The following PLEKHA8 variants were observed in gnomAD, a reference collection of about 807,000 sequenced individuals.
The protein encoded by PLEKHA8 is pleckstrin homology domain containing A8.
In PLEKHA8, 36 loss-of-function variants were observed where a neutral mutation model predicts 68.2. The ratio of observed to expected loss-of-function variants is 0.53; its 90% CI spans 0.40 to 0.70. PLEKHA8 has a LOEUF of 0.70. PLEKHA8 is among the 30% of genes least tolerant of loss of function. The pLI is 0.00. For missense variants in PLEKHA8, 505 were observed against 615.4 expected (o/e 0.82, Z 1.90); for synonymous variants, 211 against 216.1 (o/e 0.98, Z 0.20).
rs773840652 is a variant in PLEKHA8 at position 30,050,526 on chromosome 7, G to A, written c.638+52G>A. The A allele has an allele frequency of 2.7e-6, 4 of 1,463,846 alleles. No homozygotes were observed. In the South Asian group the frequency reaches 4.1e-5, roughly 15 times the overall value. The allele number at this position is 1,463,846 out of a possible 1,614,324, so 90.7% of individuals were successfully genotyped here. A position where few individuals can be genotyped will look rare whatever the true frequency, so the allele number is the denominator to read the frequency against. On this transcript the variant is annotated intron_variant, in intron 6 of 13. Transcript: ENST00000449726. The stretch of plus-strand genomic sequence containing the variant: ...AAAATTAAAAAAAAATAAGGATATT[G>A]TTATTCCTTGTTTAAAAAAAGATAC...
Position 30,082,985 on chromosome 7 carries a change from A to T in PLEKHA8, c.*4198A>T, listed in dbSNP as rs746627759. ...AAACCAGTTGCTTCTGATTTTAGTC[A>T]CAGGTTTTACAAGTATTCAGCTCTC... On this transcript the variant is annotated 3_prime_UTR_variant, in exon 14 of 14. Transcript: ENST00000449726. 15 of 985,420 alleles carry T rather than the reference A, an allele frequency of 1.5e-5. No individual in the cohort carries two copies. The highest frequency in any genetic ancestry group is 1.8e-5 in the Non-Finnish European group (15 of 829,920). 61.0% of individuals were successfully genotyped at this position (985,420 alleles called of 1,614,324 possible).
At chr7:30,053,502 T>C (rs1007398612) in intron 7 of PLEKHA8, among the ~76,000 whole-genome samples, 3 of 152,178 alleles carry the variant, frequency 2.0e-5, no homozygotes, top group African/African-American at 4.8e-5. Context: ...TCTCGATGAA[T>C]TGGGGAGCAG....
chr7:30,084,606 T>G lies in PLEKHA8; in HGVS notation c.*5819T>G. On this transcript the variant is annotated 3_prime_UTR_variant, in exon 14 of 14. Coordinates refer to ENST00000449726, the MANE Select transcript of PLEKHA8 (RefSeq NM_001197026.2). The stretch of plus-strand genomic sequence containing the variant: ...TTGCAAAAATGTTTGAAAATATCTG[T>G]CAGATTTTATATTCGTTAGTTATAA... 1 of 945,848 alleles carries G rather than the reference T, an allele frequency of 1.1e-6. No individual in the cohort carries two copies. The highest frequency in any genetic ancestry group is 1.3e-6 in the Non-Finnish European group (1 of 794,134). 58.6% of individuals were successfully genotyped at this position (945,848 alleles called of 1,614,324 possible).
chr7:30,054,601 ATTT>A (rs1246463067), intron 7 of PLEKHA8, 105 bp from the exon 8 acceptor site: 3 of 758,802 alleles, frequency 4.0e-6, no homozygotes, highest in Non-Finnish European at 5.5e-6. Context: ...TGTTTCATGA[ATTT>A]TTATTTCTAT....
In PLEKHA8 at chr7:30,079,857, T is replaced by C; in HGVS notation, c.*1070T>C. The C allele has an allele frequency of 1.0e-6, 1 of 964,120 alleles. No individual in the cohort carries two copies. The highest frequency in any genetic ancestry group is 1.2e-6 in the Non-Finnish European group (1 of 810,798). 59.7% of individuals were successfully genotyped at this position (964,120 alleles called of 1,614,324 possible). A position where few individuals can be genotyped will look rare whatever the true frequency, so the allele number is the denominator to read the frequency against. On this transcript the variant is annotated 3_prime_UTR_variant, in exon 14 of 14. Transcript: ENST00000449726. ...AGAGCAACTAGATTAAATTCTAGTTTACAAAATTACCAGTTTTCTTCAAGA... is the reference window on the plus strand; with the variant it reads ...AGAGCAACTAGATTAAATTCTAGTTCACAAAATTACCAGTTTTCTTCAAGA...
At chr7:30,031,666 A>T (rs1236309381) in intron 1 of PLEKHA8, among the ~76,000 whole-genome samples, 1 of 152,184 alleles carries the variant, frequency 6.6e-6, no homozygotes, top group Non-Finnish European at 1.5e-5. Flanking sequence ...TGAGAGAGAA[A>T]TGATGAGATT....
At chr7:30,049,769 G>C (rs1213387436) in intron 5 of PLEKHA8, among the ~76,000 whole-genome samples, 1 of 152,200 alleles carries the variant, frequency 6.6e-6, no homozygotes, top group Non-Finnish European at 1.5e-5. Flanking sequence ...GTAGGTTAAA[G>C]TCAAAACTTC....
chr7:30,035,504 TTC>T (rs1259996584), intron 1 of PLEKHA8, among the ~76,000 whole-genome samples: 3 of 152,214 alleles, frequency 2.0e-5, no homozygotes, highest in Non-Finnish European at 4.4e-5. Flanking sequence ...TCCTCATGGA[TTC>T]TTTTTCATAT....
At chr7:30,108,376 G>A (rs1796149935) in intron 13 of PLEKHA8, among the ~76,000 whole-genome samples, 4 of 152,084 alleles carry the variant, frequency 2.6e-5, no homozygotes. Flanking sequence ...AATGAGGTGG[G>A]CAGTGTTCCC....
chr7:30,069,889 T>G (rs1387524838), intron 12 of PLEKHA8: 1 of 152,146 alleles, frequency 6.6e-6, no homozygotes, highest in Non-Finnish European at 1.5e-5. Context: ...AACTGACACA[T>G]CTCAAAGAAC....
At chr7:30,035,725 A>G (rs1364069114) in intron 1 of PLEKHA8, among the ~76,000 whole-genome samples, 1 of 152,024 alleles carries the variant, frequency 6.6e-6, no homozygotes, top group Admixed American at 6.5e-5. Flanking sequence ...GCTCACTGCA[A>G]CCTTCGCCTC....
chr7:30,079,354 G>C lies in PLEKHA8; in HGVS notation c.*567G>C. 1.0e-6 allele frequency: 1 copy of C among 986,018 alleles called. No homozygotes were observed. The highest frequency in any genetic ancestry group is 4.7e-5 in the South Asian group (1 of 21,300). The allele number at this position is 986,018 out of a possible 1,614,324, so 61.1% of individuals were successfully genotyped here. A position where few individuals can be genotyped will look rare whatever the true frequency, so the allele number is the denominator to read the frequency against. On this transcript the variant is annotated 3_prime_UTR_variant, in exon 14 of 14. Coordinates refer to ENST00000449726, the MANE Select transcript of PLEKHA8 (RefSeq NM_001197026.2). The stretch of plus-strand genomic sequence containing the variant: ...GGCATTCACATGACCATGCAATTGT[G>C]GGAGGCGAAGAAGACGTGGACAGGA...
chr7:30,049,863 A>C (rs1032113662), intron 5 of PLEKHA8, among the ~76,000 whole-genome samples: 15 of 150,688 alleles, frequency 1.0e-4, no homozygotes, highest in Admixed American at 9.3e-4. Context: ...AATTCCTTCC[A>C]CTCCTTTGTG....
intron 12 of PLEKHA8, chr7:30,090,023 T>C (rs1191991824): frequency 2.3e-5 from 20 of 867,200 alleles, no homozygotes; most frequent in African/African-American, 3.4e-5. Context: ...TATCGAGATA[T>C]TCTGACATAA....
At chr7:30,050,317 G>A in intron 5 of PLEKHA8, 117 bp from the exon 6 acceptor site, 1 of 1,335,216 alleles carries the variant, frequency 7.5e-7, no homozygotes, top group Middle Eastern at 2.1e-4. Flanking sequence ...TGTTTAGTGG[G>A]GCTAGTGTAT....
At chr7:30,107,367 C>T (rs1583475515) in intron 13 of PLEKHA8, among the ~76,000 whole-genome samples, 1 of 151,892 alleles carries the variant, frequency 6.6e-6, no homozygotes, top group African/African-American at 2.4e-5. Flanking sequence ...TATTTTATTG[C>T]TGCCATTAAA....
chr7:30,099,584 T>G (rs1795772577), intron 13 of PLEKHA8, among the ~76,000 whole-genome samples: 1 of 152,204 alleles, frequency 6.6e-6, no homozygotes, highest in East Asian at 1.9e-4. Context: ...AGTAATGCTG[T>G]TAACCAGCTC....
chr7:30,078,546 A>T (rs377330090), intron 13 of PLEKHA8, 44 bp from the exon 14 acceptor site: 5 of 1,597,968 alleles, frequency 3.1e-6, no homozygotes, highest in Non-Finnish European at 3.4e-6. Flanking sequence ...TAAGAGTGTG[A>T]GAGACAGACT....
intron 13 of PLEKHA8, among the ~76,000 whole-genome samples, chr7:30,123,338 T>C (rs1273380997): frequency 6.6e-6 from 1 of 152,238 alleles, no homozygotes; most frequent in Non-Finnish European, 1.5e-5. Context: ...AATGCCAATC[T>C]GGCTTTCTTT....
Sources: allele counts gnomAD v4.1 joint callset (sites outside exome capture counted in the v4.1 genomes callset), GRCh38; gene constraint gnomAD v4.1.1; transcripts MANE v1.5; gene names NCBI Gene and HGNC (gene_info 2026-07-23, HGNC 2026-07-21).